Variants in MAST4 observed in about 807,000 individuals in gnomAD.
The protein encoded by MAST4 is microtubule-associated serine/threonine-protein kinase 4.
In MAST4, 89 loss-of-function variants were observed where a neutral mutation model predicts 162.7. The ratio of observed to expected loss-of-function variants is 0.55; its 90% CI spans 0.46 to 0.65. The LOEUF is 0.65. MAST4 is among the 30% of genes least tolerant of loss of function. The pLI is 0.00. For missense variants in MAST4, 3,153 were observed against 3,374.0 expected (o/e 0.93, Z 1.62); for synonymous variants, 1,479 against 1,361.1 (o/e 1.09, Z -1.91).
At chr5:66,876,708 C>G (rs1460510976) in intron 3 of MAST4, among the ~76,000 whole-genome samples, 1 of 152,182 alleles carries the variant, frequency 6.6e-6, no homozygotes, top group African/African-American at 2.4e-5. Flanking sequence ...TATGACCCAG[C>G]GGCCTCAATC....
At chr5:66,668,562 C>T (rs1747413772) in intron 1 of MAST4, among the ~76,000 whole-genome samples, 1 of 152,126 alleles carries the variant, frequency 6.6e-6, no homozygotes, top group Non-Finnish European at 1.5e-5. Flanking sequence ...AGTTAGATTT[C>T]CCCAAGAGGA....
Position 67,134,543 on chromosome 5 carries a change from C to T in MAST4, c.2247C>T (p.Tyr749=). Residue 749 remains tyrosine (Y), a synonymous_variant, in exon 18 of 29, where the codon TAC becomes TAT. Coordinates refer to ENST00000403625, the MANE Select transcript of MAST4 (RefSeq NM_001164664.2). ...TTTAGGTCTGTGGCACACCTGAATA[C>T]ATTGCACCAGAAGTGATTCTGAGGC... The part of the protein sequence containing the change: ...LDKQVCGTPE[Y]IAPEVILRQG... The T allele has an allele frequency of 6.2e-7, 1 of 1,613,414 alleles. No homozygotes were observed. Among genetic ancestry groups the T allele is most frequent in the South Asian group, 1.1e-5 (1 of 91,034 alleles).
At chr5:67,119,330 G>C (rs1457047140) in intron 13 of MAST4, among the ~76,000 whole-genome samples, 5 of 152,114 alleles carry the variant, frequency 3.3e-5, no homozygotes, top group Non-Finnish European at 7.4e-5. Context: ...AGCCAGTTCA[G>C]AGGCTCCTGC....
intron 6 of MAST4, among the ~76,000 whole-genome samples, chr5:67,093,225 T>C (rs985285559): frequency 6.6e-6 from 1 of 152,196 alleles, no homozygotes; most frequent in East Asian, 1.9e-4. Context: ...TTTCCCTTCT[T>C]ACTTTTTCAT....
rs1212494267 is a variant in MAST4 at position 66,798,499 on chromosome 5, A to G, written c.642+9705A>G. ...CAGACTTCTGTTCCTCCTGTCTGTC[A>G]TTTACTTATTTGTCTCTGAATCTTT... On this transcript the variant is annotated intron_variant, in intron 3 of 28. Transcript: ENST00000403625. Among the ~76,000 whole-genome samples, 4 of 152,242 alleles carry G rather than the reference A, an allele frequency of 2.6e-5. No individual in the cohort carries two copies. In the East Asian group the frequency reaches 5.8e-4, roughly 22 times the overall value.
At chr5:66,962,046 C>T (rs1446354291) in intron 4 of MAST4, among the ~76,000 whole-genome samples, 1 of 152,158 alleles carries the variant, frequency 6.6e-6, no homozygotes, top group Admixed American at 6.5e-5. Flanking sequence ...ACAAATACAG[C>T]CAAGTCTCAA....
At position 67,165,935 on chromosome 5, in the gene MAST4, T is replaced by C. The variant is rs1218934638; in HGVS notation, c.6756T>C (p.Ala2252=). Residue 2252 remains alanine (A), a synonymous_variant, in exon 29 of 29, where the codon GCT becomes GCC. Transcript: ENST00000403625. ...HSKSGPDVFP[A]TPGSQNKASD... ...AGAGTGGGCCGGATGTGTTTCCTGC[T>C]ACCCCAGGCTCCCAGAACAAAGCCA... is the stretch of plus-strand genomic sequence containing the variant. 1.2e-6 allele frequency: 2 copies of C among 1,613,226 alleles called. No homozygotes were observed. Among genetic ancestry groups the C allele is most frequent in the African/African-American group, 2.7e-5 (2 of 74,902 alleles).
At chr5:66,801,226 TAGAG>T (rs1475166346) in intron 3 of MAST4, among the ~76,000 whole-genome samples, 2 of 152,116 alleles carry the variant, frequency 1.3e-5, no homozygotes, top group Non-Finnish European at 2.9e-5. Context: ...AGGAAACCGT[TAGAG>T]AGGACATTTA....
rs766017218 is a variant in MAST4 at position 67,163,339 on chromosome 5, C to T, written c.4160C>T (p.Pro1387Leu). ...CTGGCCCGGACGCCCTCTCCAACCC[C>T]GCAACCCACCTCCCCGCAGCGGTCA... ...SPLARTPSPT[P>L]QPTSPQRSPS... Residue 1387 changes from proline (P) to leucine (L), a missense_variant, in exon 29 of 29, where the codon CCG (proline) becomes CTG (leucine). Pro to Leu is a moderately conservative substitution (Grantham distance 98). Around this residue, in one of 7 missense-constraint regions of MAST4, gnomAD observed 619 missense variants for 744.2 expected, o/e 0.83. Transcript: ENST00000403625. This position sits in a 1 kb window ranked among gnomAD's most constrained non-coding sequence, Gnocchi z 7.0. The T allele has an allele frequency of 6.2e-7, 1 of 1,612,802 alleles. No homozygotes were observed.
chr5:66,894,614 G>A (rs1164153315), intron 3 of MAST4, among the ~76,000 whole-genome samples: 1 of 152,174 alleles, frequency 6.6e-6, no homozygotes, highest in Non-Finnish European at 1.5e-5. Context: ...CTCAGTCATA[G>A]GATGAGGCCA....
chr5:66,736,603 T>C (rs1181828653), intron 1 of MAST4, among the ~76,000 whole-genome samples: 1 of 152,196 alleles, frequency 6.6e-6, no homozygotes, highest in African/African-American at 2.4e-5. Context: ...TTAAGTCTTT[T>C]TTAAGACGAA....
intron 3 of MAST4, among the ~76,000 whole-genome samples, chr5:66,838,051 T>C (rs1758152550): frequency 6.6e-6 from 1 of 151,666 alleles, no homozygotes; most frequent in Admixed American, 6.6e-5. Flanking sequence ...CATAGTGGGG[T>C]AGCTGGAGGC....
intron 4 of MAST4, among the ~76,000 whole-genome samples, chr5:66,964,619 G>A (rs1335076401): frequency 6.6e-6 from 1 of 152,270 alleles, no homozygotes; most frequent in Non-Finnish European, 1.5e-5. Context: ...GGCTAACACG[G>A]TGAAACCCCG....
At chr5:66,849,211 A>C (rs1406337167) in intron 3 of MAST4, among the ~76,000 whole-genome samples, 1 of 152,092 alleles carries the variant, frequency 6.6e-6, no homozygotes, top group Non-Finnish European at 1.5e-5. Flanking sequence ...GCTGATGGAA[A>C]TTTTGGGGGG....
intron 8 of MAST4, among the ~76,000 whole-genome samples, chr5:67,101,035 A>G (rs2548592): frequency 0.2 from 31,177 of 152,168 alleles, 3,278 homozygotes; most frequent in Middle Eastern, 0.26. Context: ...TAAGACTGTG[A>G]ACACATTTTT....
At position 67,166,158 on chromosome 5, in the gene MAST4, C is replaced by A; in HGVS notation, c.6979C>A (p.Gln2327Lys). Residue 2327 changes from glutamine to lysine, a missense_variant, in exon 29 of 29, where the codon CAA becomes AAA. By Grantham distance (53) the Gln-to-Lys change is moderately conservative (BLOSUM62 1). Around this residue, in one of 7 missense-constraint regions of MAST4, gnomAD observed 1,644 missense variants for 1,495.0 expected, o/e 1.10. Transcript: ENST00000403625. ...DQKLSAVGEK[Q>K]TLSPKHPKPS... is the part of the protein sequence containing the mutation. ...GAAACTGTCCGCTGTTGGTGAAAAG[C>A]AAACCCTGTCTCCAAAGCACCCCAA... 6.4e-7 allele frequency: 1 copy of A among 1,566,694 alleles called. No homozygotes were observed. The highest frequency in any genetic ancestry group is 8.7e-7 in the Non-Finnish European group (1 of 1,155,144).
intron 4 of MAST4, among the ~76,000 whole-genome samples, chr5:67,035,262 G>T (rs1430589990): frequency 6.6e-6 from 1 of 152,050 alleles, no homozygotes; most frequent in Non-Finnish European, 1.5e-5. Flanking sequence ...AATTTAAGGG[G>T]TGCAAACAAT....
chr5:66,676,236 C>G (rs1443034854), intron 1 of MAST4, among the ~76,000 whole-genome samples: 1 of 152,080 alleles, frequency 6.6e-6, no homozygotes, highest in Non-Finnish European at 1.5e-5. Flanking sequence ...GTGGTGTGTC[C>G]GTGGAGGGGA....
intron 4 of MAST4, among the ~76,000 whole-genome samples, chr5:66,912,667 T>C (rs1263362687): frequency 1.3e-5 from 2 of 152,166 alleles, no homozygotes; most frequent in African/African-American, 4.8e-5. Context: ...ATCAAACACC[T>C]GGTTAAAAGC....
Sources: gnomAD v4.1 joint callset for allele counts (sites outside exome capture counted in the v4.1 genomes callset) on GRCh38, gnomAD v4.1.1 for gene constraint, gnomAD v4.1.1 regional missense constraint, Gnocchi (gnomAD v3.1) non-coding constraint, MANE v1.5 for transcripts, NCBI Gene and HGNC (gene_info 2026-07-23, HGNC 2026-07-21) for gene names.